The following LDB2 variants were observed in gnomAD, a reference collection of about 807,000 sequenced individuals.
LDB2 encodes LIM domain binding 2.
Under a neutral mutation model 44.3 loss-of-function variants are expected in LDB2, and 12 were observed. That is an observed-to-expected ratio of 0.27 (90% confidence interval 0.17 to 0.44). The LOEUF is 0.44. Among genes scored for constraint, LDB2 ranks in the 20% least tolerant of loss-of-function variants. The probability of loss-of-function intolerance (pLI) is 1.00; values close to 1 mark genes in which losing one functional copy is unlikely to be tolerated. For missense variants in LDB2, 344 were observed against 473.5 expected (o/e 0.73, Z 2.54); for synonymous variants, 164 against 174.8 (o/e 0.94, Z 0.49).
chr4:16,829,827 C>T (rs1013314242), intron 1 of LDB2, among the ~76,000 whole-genome samples: 1 of 152,162 alleles, frequency 6.6e-6, no homozygotes, highest in African/African-American at 2.4e-5. Context: ...CACACACAGG[C>T]CGGGTGCGGT....
intron 2 of LDB2, among the ~76,000 whole-genome samples, chr4:16,684,956 T>G (rs1368213151): frequency 2.0e-5 from 3 of 152,192 alleles, no homozygotes; most frequent in African/African-American, 7.2e-5. Flanking sequence ...CAATAAAACT[T>G]TACTTACAAA....
chr4:16,712,940 T>C (rs1407266748), intron 2 of LDB2, among the ~76,000 whole-genome samples: 1 of 152,178 alleles, frequency 6.6e-6, no homozygotes, highest in Non-Finnish European at 1.5e-5. Flanking sequence ...TGCCAAAAAG[T>C]GGACATAACT....
At chr4:16,661,447 A>G (rs1273674724) in intron 2 of LDB2, among the ~76,000 whole-genome samples, 1 of 152,130 alleles carries the variant, frequency 6.6e-6, no homozygotes, top group African/African-American at 2.4e-5. Context: ...CTAGATATGG[A>G]CCTTGGGGAA....
chr4:16,512,412 A>G (rs1008459476), intron 5 of LDB2, among the ~76,000 whole-genome samples: 5 of 151,666 alleles, frequency 3.3e-5, no homozygotes, highest in Non-Finnish European at 7.4e-5. Flanking sequence ...ATGTAGCTCT[A>G]TTCTGAATTC....
intron 3 of LDB2, among the ~76,000 whole-genome samples, chr4:16,591,133 CTTAG>C (rs1718787672): frequency 6.6e-6 from 1 of 152,096 alleles, no homozygotes; most frequent in East Asian, 1.9e-4. Context: ...CAAATATTAG[CTTAG>C]TTAAATGTCA....
At chr4:16,542,607 G>A (rs1431959643) in intron 5 of LDB2, among the ~76,000 whole-genome samples, 5 of 152,150 alleles carry the variant, frequency 3.3e-5, no homozygotes. Context: ...CCAAGTAAGT[G>A]CAAAAGGAGG....
intron 5 of LDB2, among the ~76,000 whole-genome samples, chr4:16,529,152 C>A (rs1729259804): frequency 6.6e-6 from 1 of 152,138 alleles, no homozygotes; most frequent in Admixed American, 6.5e-5. Context: ...AAAGGGAAAC[C>A]AGAGGGAATG....
At chr4:16,642,385 GA>G (rs899867370) in intron 2 of LDB2, among the ~76,000 whole-genome samples, 1 of 151,786 alleles carries the variant, frequency 6.6e-6, no homozygotes, top group South Asian at 2.1e-4. Context: ...ACTCCTAATG[GA>G]AAAAAATGTG....
At chr4:16,727,034 G>GTTT (rs1364365582) in intron 2 of LDB2, among the ~76,000 whole-genome samples, 75 of 152,280 alleles carry the variant, frequency 4.9e-4, no homozygotes, top group African/African-American at 1.7e-3. Flanking sequence ...TGGCTTGATG[G>GTTT]TAAGTTAGTT....
chr4:16,792,628 G>A (rs1027170546), intron 1 of LDB2, among the ~76,000 whole-genome samples: 29 of 152,158 alleles, frequency 1.9e-4, no homozygotes, highest in African/African-American at 7.0e-4. Flanking sequence ...GTTATGGGGA[G>A]AGCAAAGAGC....
intron 6 of LDB2, among the ~76,000 whole-genome samples, chr4:16,509,263 T>A (rs1183333433): frequency 2.0e-5 from 3 of 152,204 alleles, no homozygotes; most frequent in Admixed American, 1.3e-4. Flanking sequence ...GATGTGGAGC[T>A]TAGGGATTCC....
chr4:16,810,934 G>A (rs1779733284), intron 1 of LDB2, among the ~76,000 whole-genome samples: 1 of 152,180 alleles, frequency 6.6e-6, no homozygotes, highest in Admixed American at 6.5e-5. Flanking sequence ...AGGTTTTGTG[G>A]AAGACAATTT....
intron 2 of LDB2, among the ~76,000 whole-genome samples, chr4:16,683,616 T>C (rs1009799212): frequency 1.3e-5 from 2 of 152,132 alleles, no homozygotes; most frequent in African/African-American, 2.4e-5. Context: ...CAGAAGAGGG[T>C]AAACTTCTAT....
chr4:16,751,343 G>A (rs774721202), intron 2 of LDB2, among the ~76,000 whole-genome samples: 19 of 152,058 alleles, frequency 1.2e-4, no homozygotes, highest in East Asian at 3.8e-4. Flanking sequence ...AACTTGTACC[G>A]CACTTTAAAT....
chr4:16,629,892 G>A (rs1731410494), intron 2 of LDB2, among the ~76,000 whole-genome samples: 1 of 152,012 alleles, frequency 6.6e-6, no homozygotes, highest in Non-Finnish European at 1.5e-5. Flanking sequence ...TAGAGAAAAA[G>A]GAGTGAAAAG....
intron 7 of LDB2, among the ~76,000 whole-genome samples, chr4:16,505,662 C>T (rs1185304981): frequency 2.0e-5 from 3 of 151,066 alleles, no homozygotes; most frequent in Non-Finnish European, 4.4e-5. Context: ...GAGTACATTT[C>T]CTTCCCATCT....
At chr4:16,795,143 A>C (rs1776490306) in intron 1 of LDB2, among the ~76,000 whole-genome samples, 2 of 152,178 alleles carry the variant, frequency 1.3e-5, no homozygotes. Context: ...TTTACCCAAG[A>C]CTGGCAGAAA....
At chr4:16,739,307 C>T (rs1294314876) in intron 2 of LDB2, among the ~76,000 whole-genome samples, 1 of 151,184 alleles carries the variant, frequency 6.6e-6, no homozygotes, top group Non-Finnish European at 1.5e-5. Context: ...TTAAAGTAGG[C>T]CAGGAATGGT....
intron 5 of LDB2, among the ~76,000 whole-genome samples, chr4:16,547,194 G>A (rs1241168804): frequency 2.6e-5 from 4 of 151,260 alleles, no homozygotes; most frequent in East Asian, 1.9e-4. Flanking sequence ...GAAGAGACCC[G>A]AGGCAGAAAT....
Sources: allele counts gnomAD v4.1 joint callset (sites outside exome capture counted in the v4.1 genomes callset), GRCh38; gene constraint gnomAD v4.1.1; transcripts MANE v1.5; gene names NCBI Gene and HGNC (gene_info 2026-07-23, HGNC 2026-07-21).